PKM: variants seen among roughly 807,000 people sequenced by gnomAD.
The protein encoded by PKM is pyruvate kinase M1/2, also known as pyruvate kinase PKM.
PKM carries 18 observed loss-of-function variants against 49.8 expected under a neutral mutation model. The ratio of observed to expected loss-of-function variants is 0.36; its 90% CI spans 0.25 to 0.54. The LOEUF (loss-of-function observed/expected upper bound fraction) is 0.54. Among genes scored for constraint, PKM ranks in the 20% least tolerant of loss-of-function variants. The probability of loss-of-function intolerance (pLI) is 0.89; values close to 1 mark genes in which losing one functional copy is unlikely to be tolerated. For synonymous variants in PKM, 239 were observed against 261.8 expected, an observed-to-expected ratio of 0.91 and a Z score of 0.84; for missense variants, 508 against 713.8, an observed-to-expected ratio of 0.71 and a Z score of 3.28.
intron 1 of PKM, among the ~76,000 whole-genome samples, chr15:72,225,501 C>T (rs756286600): frequency 5.5e-4 from 84 of 152,090 alleles, no homozygotes; most frequent in Non-Finnish European, 9.7e-4. Context: ...ATTTTGACAC[C>T]CAATCACTGT....
chr15:72,219,895 T>C (rs562856594), intron 1 of PKM, among the ~76,000 whole-genome samples: 118 of 152,250 alleles, frequency 7.8e-4, no homozygotes, highest in Non-Finnish European at 1.4e-3. Flanking sequence ...ATTTCTTTTC[T>C]AAGCCTGACA....
intron 3 of PKM, among the ~76,000 whole-genome samples, chr15:72,212,915 C>CA (rs2082290975): frequency 1.3e-5 from 2 of 151,836 alleles, no homozygotes; most frequent in African/African-American, 4.8e-5. Context: ...ACTAAAAGTA[C>CA]AAAAACAAAA....
At chr15:72,220,998 A>G (rs2082506692) in intron 1 of PKM, among the ~76,000 whole-genome samples, 1 of 152,238 alleles carries the variant, frequency 6.6e-6, no homozygotes, top group Non-Finnish European at 1.5e-5. Context: ...GTGGCCTCCA[A>G]TGGGCCTACA....
chr15:72,229,367 ACTC>A (rs572154747), intron 1 of PKM, among the ~76,000 whole-genome samples: 37 of 151,850 alleles, frequency 2.4e-4, no homozygotes, highest in Non-Finnish European at 4.9e-4. Flanking sequence ...TAGAGGCTGA[ACTC>A]CTTCAGAGTC....
intron 1 of PKM, among the ~76,000 whole-genome samples, chr15:72,226,820 G>T (rs985931534): frequency 2.0e-5 from 3 of 152,224 alleles, no homozygotes; most frequent in Admixed American, 6.5e-5. Context: ...GGACAGAAGT[G>T]GGGGAGGTGA....
At chr15:72,230,848 G>A (rs1253961059) in intron 1 of PKM, 3 of 1,012,700 alleles carry the variant, frequency 3.0e-6, no homozygotes, top group Non-Finnish European at 4.1e-6. Context: ...GAAGAGGATG[G>A]GACCAGAATG....
chr15:72,214,518 A>G (rs542191796), intron 3 of PKM, among the ~76,000 whole-genome samples: 56 of 152,228 alleles, frequency 3.7e-4, no homozygotes, highest in Middle Eastern at 3.4e-3. Context: ...TTTCTAGGCC[A>G]GGTGTGGTGG....
chr15:72,226,754 A>G (rs2082681237), intron 1 of PKM, among the ~76,000 whole-genome samples: 1 of 152,152 alleles, frequency 6.6e-6, no homozygotes, highest in South Asian at 2.1e-4. Context: ...CCTGCTTCCA[A>G]GACTGCTTGC....
At chr15:72,209,528 G>A in intron 5 of PKM, 145 bp downstream of exon 5, 1 of 728,778 alleles carries the variant, frequency 1.4e-6, no homozygotes, top group Non-Finnish European at 2.5e-6. Context: ...TATCTTTGAG[G>A]ATAAATGAGT....
intron 1 of PKM, among the ~76,000 whole-genome samples, chr15:72,227,522 A>G (rs763058076): frequency 3.3e-5 from 5 of 152,126 alleles, no homozygotes; most frequent in Non-Finnish European, 7.4e-5. Flanking sequence ...AGGCCGGTGG[A>G]TCACCTAAGT....
At chr15:72,230,752 G>A (rs1027623333) in intron 1 of PKM, 13 of 359,998 alleles carry the variant, frequency 3.6e-5, no homozygotes, top group Non-Finnish European at 4.9e-5. Flanking sequence ...GCGGCGCGGA[G>A]AAAGGGGAAG....
At chr15:72,230,580 G>A (rs546982712) in intron 1 of PKM, among the ~76,000 whole-genome samples, 145 of 152,258 alleles carry the variant, frequency 9.5e-4, no homozygotes, top group African/African-American at 3.3e-3. Flanking sequence ...CGCGGGAAGG[G>A]CGGTCGCGCA....
chr15:72,221,835 A>G lies in PKM; in HGVS notation c.-13-2725T>C, dbSNP rs186909639. ...GTTGTGATTAAAAAAAAAAAACGAT[A>G]CAAGTCTTAGGCCCTACATCACAAA... On this transcript the variant is annotated intron_variant, in intron 1 of 10. Coordinates refer to ENST00000335181, the MANE Select transcript of PKM (RefSeq NM_002654.6). Among the ~76,000 whole-genome samples the G allele has an allele frequency of 4.3e-3, 654 of 151,736 alleles. 30 individuals are homozygous for G. Among genetic ancestry groups the G allele is most frequent in the Admixed American group, 0.039 (597 of 15,200 alleles).
chr15:72,208,493 G>T, intron 6 of PKM, 128 bp downstream of exon 6: 1 of 924,704 alleles, frequency 1.1e-6, no homozygotes, highest in Non-Finnish European at 1.8e-6. Flanking sequence ...TTCTGATTCA[G>T]CAGGTTTGGA....
In PKM at chr15:72,200,387, T is replaced by C. The variant is rs2081912355; in HGVS notation, c.1489+87A>G. Reference sequence around the variant, plus strand: ...TAAGGTCTGTGTGTTCCCCTTTCTATTCCCCAAACTTTCGGGGTCCCACAG... The same window carrying C: ...TAAGGTCTGTGTGTTCCCCTTTCTACTCCCCAAACTTTCGGGGTCCCACAG... On this transcript the variant is annotated intron_variant, in intron 10 of 10. Transcript: ENST00000335181. This position sits in a 1 kb window ranked among gnomAD's most constrained non-coding sequence, Gnocchi z 4.6. 7.9e-7 allele frequency: 1 copy of C among 1,272,006 alleles called. No individual in the cohort carries two copies. The highest frequency in any genetic ancestry group is 1.1e-6 in the Non-Finnish European group (1 of 878,640). The allele number at this position is 1,272,006 out of a possible 1,614,324, so 78.8% of individuals were successfully genotyped here.
Position 72,207,139 on chromosome 15 carries a change from G to C in PKM, c.975C>G (p.Ile325Met). The change falls in exon 7 of 11, where the codon ATC becomes ATG. Residue 325 changes from isoleucine to methionine, a missense_variant. Transcript: ENST00000335181. ...GGTGGGCACATGCCTGAGTAGCACA[G>C]ATGACAGGCTTCCCAGCTCGGTTGC... Reference protein sequence around the residue: ...GRCNRAGKPVICATQMLESMI... With the variant: ...GRCNRAGKPVMCATQMLESMI... 1 of 1,613,778 alleles carries C rather than the reference G, an allele frequency of 6.2e-7. No individual in the cohort carries two copies. Among genetic ancestry groups the C allele is most frequent in the East Asian group, 2.2e-5 (1 of 44,884 alleles).
At chr15:72,224,313 G>A (rs940762771) in intron 1 of PKM, among the ~76,000 whole-genome samples, 1 of 152,030 alleles carries the variant, frequency 6.6e-6, no homozygotes, top group African/African-American at 2.4e-5. Context: ...CCTGATTTAG[G>A]GTCCTCTTAA....
chr15:72,210,497 G>A lies in PKM; in HGVS notation c.247-19C>T. The A allele has an allele frequency of 6.2e-7, 1 of 1,613,998 alleles. No individual in the cohort carries two copies. The highest frequency in any genetic ancestry group is 8.5e-7 in the Non-Finnish European group (1 of 1,179,942). ...CATGGTACTGGGGGAAAAGAAGGAA[G>A]ATGACAAGCGTGCTCCCACACTAGA... On this transcript the variant is annotated intron_variant, in intron 3 of 10. Coordinates refer to ENST00000335181, the MANE Select transcript of PKM (RefSeq NM_002654.6).
chr15:72,229,465 G>A lies in PKM; in HGVS notation c.-14+1651C>T, dbSNP rs1201236426. On this transcript the variant is annotated intron_variant, in intron 1 of 10. Transcript: ENST00000335181. ...TCTCTCCACGTGGACCTTCACTGTCGGCCTCACTTTAACCCGTACCAGCAA... is the reference window on the plus strand; with the variant it reads ...TCTCTCCACGTGGACCTTCACTGTCAGCCTCACTTTAACCCGTACCAGCAA... 4 of 793,808 alleles carry A rather than the reference G, an allele frequency of 5.0e-6. No individual in the cohort carries two copies. The African/African-American group carries it at 5.3e-5, about 11-fold the overall frequency. The allele number at this position is 793,808 out of a possible 1,614,324, so 49.2% of individuals were successfully genotyped here.
Sources: gnomAD v4.1 joint callset for allele counts (sites outside exome capture counted in the v4.1 genomes callset) on GRCh38, gnomAD v4.1.1 for gene constraint, Gnocchi (gnomAD v3.1) non-coding constraint, MANE v1.5 for transcripts, NCBI Gene and HGNC (gene_info 2026-07-23, HGNC 2026-07-21) for gene names.